CNTN5: variants seen among roughly 807,000 people sequenced by gnomAD.
CNTN5 encodes the protein contactin-5.
Under a neutral mutation model 129.1 loss-of-function variants are expected in CNTN5, and 77 were observed. The ratio of observed to expected loss-of-function variants is 0.60; its 90% CI spans 0.50 to 0.72. The LOEUF (loss-of-function observed/expected upper bound fraction) is 0.72. CNTN5 is among the 30% of genes least tolerant of loss of function. CNTN5 has a pLI of 0.00. For missense variants in CNTN5, 1,478 were observed against 1,328.8 expected (o/e 1.11, Z -1.75); for synonymous variants, 509 against 465.6 (o/e 1.09, Z -1.20).
At chr11:99,276,735 CTA>C (rs1236795824) in intron 1 of CNTN5, among the ~76,000 whole-genome samples, 5 of 151,146 alleles carry the variant, frequency 3.3e-5, no homozygotes, top group Non-Finnish European at 5.9e-5. Context: ...TTTATACAAA[CTA>C]TATATATGTA....
At chr11:99,061,708 C>G (rs183924251) in intron 1 of CNTN5, among the ~76,000 whole-genome samples, 1 of 152,106 alleles carries the variant, frequency 6.6e-6, no homozygotes, top group Non-Finnish European at 1.5e-5. Context: ...TGTGAACTTG[C>G]GGTCAGGTGC....
intron 2 of CNTN5, among the ~76,000 whole-genome samples, chr11:99,365,177 T>C (rs924165290): frequency 7.9e-5 from 12 of 152,144 alleles, no homozygotes; most frequent in Non-Finnish European, 1.2e-4. Context: ...TGTACAATAT[T>C]CTTAATCACT....
chr11:99,336,199 T>A (rs747775286), intron 2 of CNTN5, among the ~76,000 whole-genome samples: 4 of 152,188 alleles, frequency 2.6e-5, no homozygotes, highest in Non-Finnish European at 4.4e-5. Flanking sequence ...TCAAATTAGC[T>A]ATTAGGTATG....
intron 3 of CNTN5, among the ~76,000 whole-genome samples, chr11:99,650,104 A>T (rs937169288): frequency 1.3e-5 from 2 of 151,918 alleles, no homozygotes; most frequent in African/African-American, 4.8e-5. Context: ...CAATCTAAAA[A>T]ATGAAAGCTA....
At chr11:99,141,847 TG>T (rs1859530969) in intron 1 of CNTN5, among the ~76,000 whole-genome samples, 1 of 152,218 alleles carries the variant, frequency 6.6e-6, no homozygotes, top group African/African-American at 2.4e-5. Context: ...TATTGTGCTG[TG>T]GTCCAAATGT....
chr11:99,315,344 T>C lies in CNTN5; in HGVS notation c.-209-10002T>C, dbSNP rs115003499. 5.0e-3 allele frequency among the ~76,000 whole-genome samples: 754 copies of C among 149,532 alleles called. 32 individuals carry two copies. Among genetic ancestry groups the C allele is most frequent in the African/African-American group, 0.018 (721 of 41,078 alleles). On this transcript the variant is annotated intron_variant, in intron 1 of 24. Transcript: ENST00000524871. ...TCCTAAGTGTGCCACTGTAGGCTTGTTGGTAAGGAAACCATAAACATGTTA... is the reference window on the plus strand; with the variant it reads ...TCCTAAGTGTGCCACTGTAGGCTTGCTGGTAAGGAAACCATAAACATGTTA...
At chr11:99,425,523 G>C (rs1943080314) in intron 2 of CNTN5, among the ~76,000 whole-genome samples, 1 of 152,194 alleles carries the variant, frequency 6.6e-6, no homozygotes, top group African/African-American at 2.4e-5. Context: ...GGTGGGGTGG[G>C]GGTAGGGGGC....
intron 2 of CNTN5, among the ~76,000 whole-genome samples, chr11:99,334,273 G>A (rs909429218): frequency 6.6e-6 from 1 of 152,004 alleles, no homozygotes; most frequent in Non-Finnish European, 1.5e-5. Flanking sequence ...ATACACACAG[G>A]ACTATTCAAT....
intron 13 of CNTN5, among the ~76,000 whole-genome samples, chr11:100,082,350 C>A (rs1217881204): frequency 6.6e-6 from 1 of 152,128 alleles, no homozygotes; most frequent in Non-Finnish European, 1.5e-5. Flanking sequence ...GGCACATACA[C>A]AGCTCACTGC....
rs190285784 is a variant in CNTN5 at position 99,560,416 on chromosome 11, C to T, written c.55+4147C>T. Among the ~76,000 whole-genome samples, 536 of 151,816 alleles carry T rather than the reference C, an allele frequency of 3.5e-3. 4 individuals are homozygous for T. Among genetic ancestry groups the T allele is most frequent in the African/African-American group, 0.011 (471 of 41,436 alleles). On this transcript the variant is annotated intron_variant, in intron 3 of 24. Transcript: ENST00000524871. Reference sequence around the variant, plus strand: ...AAGAAATTCTCCTGCCTCAGACTCCCGAGTAGCTGGGATTACAGATGTGTG... The same window carrying T: ...AAGAAATTCTCCTGCCTCAGACTCCTGAGTAGCTGGGATTACAGATGTGTG...
At chr11:99,705,781 T>C (rs1183481521) in intron 3 of CNTN5, among the ~76,000 whole-genome samples, 1 of 151,406 alleles carries the variant, frequency 6.6e-6, no homozygotes, top group Non-Finnish European at 1.5e-5. Flanking sequence ...CAGTTTTTAA[T>C]TATTTTTGAA....
chr11:99,180,351 A>G lies in CNTN5; in HGVS notation c.-209-144995A>G, dbSNP rs576447818. ...AACAGTCTCGGCTCCAGAGTTGGCC[A>G]CTCATGTCTGTGCACAGGCGAGGAG... is the stretch of plus-strand genomic sequence containing the variant. On this transcript the variant is annotated intron_variant, in intron 1 of 24. Coordinates refer to ENST00000524871, the MANE Select transcript of CNTN5 (RefSeq NM_014361.4). 1.6e-3 allele frequency among the ~76,000 whole-genome samples: 249 copies of G among 152,108 alleles called. 2 individuals are homozygous for G. Among genetic ancestry groups the G allele is most frequent in the African/African-American group, 5.7e-3 (235 of 41,496 alleles).
intron 2 of CNTN5, among the ~76,000 whole-genome samples, chr11:99,434,604 A>G (rs1290823093): frequency 6.6e-6 from 1 of 152,146 alleles, no homozygotes; most frequent in Non-Finnish European, 1.5e-5. Flanking sequence ...AGTTTATTCC[A>G]ACGTAGGACA....
chr11:99,408,193 G>C (rs755944855), intron 2 of CNTN5, among the ~76,000 whole-genome samples: 1 of 151,588 alleles, frequency 6.6e-6, no homozygotes, highest in Admixed American at 6.6e-5. Flanking sequence ...GTTTTTGCAG[G>C]CTTCTTTTTT....
intron 13 of CNTN5, among the ~76,000 whole-genome samples, chr11:100,151,938 TTAA>T (rs77370572): frequency 0.042 from 6,386 of 152,234 alleles, 366 homozygotes; most frequent in East Asian, 0.3. Context: ...TCAGTTCTGT[TTAA>T]TAATATCTTT....
In CNTN5 at chr11:99,034,554, C is replaced by T. The variant is rs1371554567; in HGVS notation, c.-210+13284C>T. Among the ~76,000 whole-genome samples the T allele has an allele frequency of 2.3e-4, 35 of 151,470 alleles. 2 individuals are homozygous for T. The highest frequency in any genetic ancestry group is 6.8e-3 in the Middle Eastern group (2 of 294). On this transcript the variant is annotated intron_variant, in intron 1 of 24. Transcript: ENST00000524871. The stretch of plus-strand genomic sequence containing the variant: ...TCTTCTAGATTTTCTAGTTTATTTG[C>T]GTAGAGGTGTTTGTAGTATTCTCTG...
intron 7 of CNTN5, among the ~76,000 whole-genome samples, chr11:99,943,163 G>A (rs532676105): frequency 3.3e-4 from 50 of 152,224 alleles, no homozygotes; most frequent in African/African-American, 1.2e-3. Context: ...TAGGTTAAAA[G>A]CGTTTCTATT....
At chr11:99,995,431 T>C (rs1377580) in intron 8 of CNTN5, among the ~76,000 whole-genome samples, 57,425 of 151,982 alleles carry the variant, frequency 0.38, 12,350 homozygotes, top group African/African-American at 0.59. Context: ...TCTTCAAAAC[T>C]TATTTCAAAA....
At chr11:99,552,294 A>C (rs1202728705) in intron 2 of CNTN5, among the ~76,000 whole-genome samples, 1 of 151,872 alleles carries the variant, frequency 6.6e-6, no homozygotes, top group Non-Finnish European at 1.5e-5. Flanking sequence ...TTATCTAAAA[A>C]ATAATAATTG....
Sources: allele counts gnomAD v4.1 joint callset (sites outside exome capture counted in the v4.1 genomes callset), GRCh38; gene constraint gnomAD v4.1.1; transcripts MANE v1.5; gene names NCBI Gene and HGNC (gene_info 2026-07-23, HGNC 2026-07-21).